TBC1D5: variants seen among roughly 807,000 people sequenced by gnomAD.
TBC1D5 encodes the protein TBC1 domain family, member 5.
A neutral mutation model predicts 100.3 loss-of-function variants in TBC1D5; 75 were observed. The ratio of observed to expected loss-of-function variants is 0.75; its 90% CI spans 0.62 to 0.91. The LOEUF (loss-of-function observed/expected upper bound fraction) is 0.91. TBC1D5 is among the 40% of genes least tolerant of loss of function. TBC1D5 has a pLI of 0.00. For missense variants in TBC1D5, 910 were observed against 942.4 expected (o/e 0.97, Z 0.45); for synonymous variants, 323 against 325.6 (o/e 0.99, Z 0.09).
At chr3:17,312,768 C>CT (rs926069410) in intron 13 of TBC1D5, among the ~76,000 whole-genome samples, 1 of 152,166 alleles carries the variant, frequency 6.6e-6, no homozygotes, top group African/African-American at 2.4e-5. Context: ...GTGTTTGAAG[C>CT]TGTTTTGTCA....
rs763934812 is a variant in TBC1D5 at position 17,376,505 on chromosome 3, A to G, written c.701+20T>C. On this transcript the variant is annotated intron_variant, in intron 10 of 21. Coordinates refer to ENST00000253692, the Ensembl canonical transcript of TBC1D5. ...GGGGGCTAAAAAACAAATGGAGCTC[A>G]TATTAAAAAAAAAACTTGCCTGGGC... 2 of 1,582,002 alleles carry G rather than the reference A, an allele frequency of 1.3e-6. No homozygotes were observed. The highest frequency in any genetic ancestry group is 1.7e-6 in the Non-Finnish European group (2 of 1,170,056).
At chr3:17,303,465 A>T (rs1237480508) in intron 14 of TBC1D5, among the ~76,000 whole-genome samples, 1 of 152,114 alleles carries the variant, frequency 6.6e-6, no homozygotes, top group Non-Finnish European at 1.5e-5. Flanking sequence ...GGCTCATTAC[A>T]TTTCCTTCTA....
chr3:17,351,678 G>A (rs2090599606), intron 13 of TBC1D5, among the ~76,000 whole-genome samples: 1 of 151,728 alleles, frequency 6.6e-6, no homozygotes, highest in Non-Finnish European at 1.5e-5. Flanking sequence ...GTATACCTAT[G>A]TAACAAACCT....
intron 8 of TBC1D5, among the ~76,000 whole-genome samples, chr3:17,388,685 CA>C (rs60539576): frequency 1.2e-3 from 126 of 107,990 alleles, no homozygotes; most frequent in East Asian, 4.2e-3. Context: ...CCTGCCTTTA[CA>C]AAAAAAAAAA....
intron 16 of TBC1D5, among the ~76,000 whole-genome samples, chr3:17,246,265 T>C (rs1378803124): frequency 6.6e-6 from 1 of 152,134 alleles, no homozygotes; most frequent in Non-Finnish European, 1.5e-5. Context: ...AAAACACTGC[T>C]GAGAAGTTAA....
intron 3 of TBC1D5, among the ~76,000 whole-genome samples, chr3:17,451,910 G>A (rs1014133026): frequency 7.9e-5 from 12 of 151,840 alleles, no homozygotes; most frequent in African/African-American, 2.4e-4. Context: ...GCAACAAAGC[G>A]AGACTCCGTC....
chr3:17,661,755 C>T (rs994303379), intron 1 of TBC1D5, among the ~76,000 whole-genome samples: 4 of 152,150 alleles, frequency 2.6e-5, no homozygotes, highest in African/African-American at 9.7e-5. Flanking sequence ...ACCTCAGCCT[C>T]CCAAAGTGCC....
intron 2 of TBC1D5, among the ~76,000 whole-genome samples, chr3:17,581,533 A>G (rs2096696722): frequency 6.6e-6 from 1 of 152,128 alleles, no homozygotes; most frequent in African/African-American, 2.4e-5. Flanking sequence ...CATTAAATGA[A>G]GCTCTCTATC....
intron 19 of TBC1D5, among the ~76,000 whole-genome samples, chr3:17,178,872 T>C (rs1297494583): frequency 6.6e-6 from 1 of 152,122 alleles, no homozygotes; most frequent in African/African-American, 2.4e-5. Flanking sequence ...CTTGAACTCC[T>C]GAGCTTAAGC....
intron 15 of TBC1D5, among the ~76,000 whole-genome samples, chr3:17,290,911 C>A (rs962529805): frequency 2.0e-5 from 3 of 152,120 alleles, no homozygotes; most frequent in Non-Finnish European, 2.9e-5. Flanking sequence ...GAAGTGAATT[C>A]TTTTAAATCA....
At chr3:17,693,710 C>T (rs1431930085) in intron 1 of TBC1D5, among the ~76,000 whole-genome samples, 1 of 152,262 alleles carries the variant, frequency 6.6e-6, no homozygotes, top group African/African-American at 2.4e-5. Context: ...CCCTGTCTGA[C>T]GGCTCTGAAG....
At chr3:17,528,879 C>G (rs1423866550) in intron 2 of TBC1D5, among the ~76,000 whole-genome samples, 2 of 152,134 alleles carry the variant, frequency 1.3e-5, no homozygotes, top group African/African-American at 2.4e-5. Flanking sequence ...AAAAATTGTT[C>G]ACTTCATCAG....
chr3:17,638,302 A>G lies in TBC1D5; in HGVS notation c.-100-14389T>C, dbSNP rs140643093. ...CAATTCCAAAAATTACCCCATACCC[A>G]TTAAACAGTCACTCCTCATCTCCCT... is the stretch of plus-strand genomic sequence containing the variant. On this transcript the variant is annotated intron_variant, in intron 1 of 21. Coordinates refer to ENST00000253692, the Ensembl canonical transcript of TBC1D5. 8.5e-5 allele frequency among the ~76,000 whole-genome samples: 13 copies of G among 152,128 alleles called. No homozygotes were observed. The East Asian group carries it at 2.1e-3, about 25-fold the overall frequency.
intron 2 of TBC1D5, among the ~76,000 whole-genome samples, chr3:17,525,873 C>G (rs779846069): frequency 6.6e-6 from 1 of 151,984 alleles, no homozygotes; most frequent in Non-Finnish European, 1.5e-5. Flanking sequence ...ATTCTCATGA[C>G]CTGGCATATA....
intron 3 of TBC1D5, among the ~76,000 whole-genome samples, chr3:17,487,358 G>A (rs2095582265): frequency 6.6e-6 from 1 of 152,118 alleles, no homozygotes; most frequent in South Asian, 2.1e-4. Flanking sequence ...AACAGTTTAT[G>A]TAAAAATATG....
chr3:17,439,700 C>T (rs1015553237), intron 3 of TBC1D5, among the ~76,000 whole-genome samples: 7 of 152,016 alleles, frequency 4.6e-5, no homozygotes, highest in African/African-American at 1.2e-4. Flanking sequence ...TCTAAATCCA[C>T]GAATTGATAT....
chr3:17,425,528 G>A lies in TBC1D5; in HGVS notation c.167+2922C>T, dbSNP rs147251573. On this transcript the variant is annotated intron_variant, in intron 4 of 21. Coordinates refer to ENST00000253692, the Ensembl canonical transcript of TBC1D5. The stretch of plus-strand genomic sequence containing the variant: ...TGTCGTCCCAGCTACTCAGGAGGCT[G>A]AGAGGTGGGAGGATTGCTTGAGGCC... 5.0e-3 allele frequency among the ~76,000 whole-genome samples: 762 copies of A among 152,250 alleles called. 3 individuals carry two copies. The highest frequency in any genetic ancestry group is 0.017 in the African/African-American group (717 of 41,540).
At chr3:17,182,420 T>C (rs73817204) in intron 19 of TBC1D5, among the ~76,000 whole-genome samples, 12 of 152,332 alleles carry the variant, frequency 7.9e-5, no homozygotes, top group African/African-American at 2.9e-4. Context: ...CCCCCTCCCA[T>C]GCAATGAGAA....
intron 1 of TBC1D5, among the ~76,000 whole-genome samples, chr3:17,626,239 C>T (rs1478950789): frequency 6.6e-6 from 1 of 152,144 alleles, no homozygotes; most frequent in Non-Finnish European, 1.5e-5. Context: ...CCACATTCTT[C>T]AACTATAACT....
Sources: gnomAD v4.1 joint callset for allele counts (sites outside exome capture counted in the v4.1 genomes callset) on GRCh38, gnomAD v4.1.1 for gene constraint, MANE v1.5 for transcripts, NCBI Gene and HGNC (gene_info 2026-07-23, HGNC 2026-07-21) for gene names.